Variants in PTCHD4 observed in about 807,000 individuals in gnomAD.
PTCHD4 encodes patched domain-containing protein 4.
In PTCHD4, 33 loss-of-function variants were observed where a neutral mutation model predicts 58.1. The ratio of observed to expected loss-of-function variants is 0.57; its 90% CI spans 0.43 to 0.76. The LOEUF is 0.76. PTCHD4 is among the 30% of genes least tolerant of loss of function. The pLI is 0.00. For missense variants in PTCHD4, 1,058 were observed against 1,027.1 expected (o/e 1.03, Z -0.41); for synonymous variants, 478 against 409.6 (o/e 1.17, Z -2.02).
At chr6:48,100,862 G>C (rs891839263) in intron 1 of PTCHD4, among the ~76,000 whole-genome samples, 4 of 152,036 alleles carry the variant, frequency 2.6e-5, no homozygotes, top group Non-Finnish European at 4.4e-5. Context: ...AAAACCTCAA[G>C]AGAACAACTT....
At chr6:48,080,950 T>G (rs1765155772) in intron 1 of PTCHD4, among the ~76,000 whole-genome samples, 1 of 152,202 alleles carries the variant, frequency 6.6e-6, no homozygotes, top group African/African-American at 2.4e-5. Context: ...TTTCTGTTTT[T>G]GGTGATCTTC....
intron 4 of PTCHD4, among the ~76,000 whole-genome samples, chr6:47,927,042 G>A (rs955694023): frequency 2.0e-5 from 3 of 151,998 alleles, no homozygotes; most frequent in Non-Finnish European, 4.4e-5. Context: ...TTTGCCTCCA[G>A]GGAAGAGGCT....
intron 4 of PTCHD4, among the ~76,000 whole-genome samples, chr6:47,923,235 A>G (rs1168375647): frequency 1.3e-5 from 2 of 152,322 alleles, no homozygotes; most frequent in South Asian, 2.1e-4. Flanking sequence ...AATACTTGAT[A>G]AAAAGACTTC....
At position 47,872,885 on chromosome 6, in the gene PTCHD4, A is replaced by G. The variant is rs1763755197; in HGVS notation, c.*5418T>C. Among the ~76,000 whole-genome samples the G allele has an allele frequency of 6.6e-6, 1 of 151,628 alleles. No homozygotes were observed. The highest frequency in any genetic ancestry group is 2.1e-4 in the South Asian group (1 of 4,820). On this transcript the variant is annotated 3_prime_UTR_variant, in exon 5 of 5. Coordinates refer to ENST00000339488, the MANE Select transcript of PTCHD4 (RefSeq NM_001384253.1). ...GCTCTTTTGAGTTGTTTTCCGTTTT[A>G]TAAGAAAAGCAAGTGGCTTCTCTAT... is the stretch of plus-strand genomic sequence containing the variant.
At chr6:47,992,415 A>C (rs1205795148) in intron 4 of PTCHD4, among the ~76,000 whole-genome samples, 1 of 152,204 alleles carries the variant, frequency 6.6e-6, no homozygotes, top group Non-Finnish European at 1.5e-5. Flanking sequence ...GTTATCACAA[A>C]AGATGAGGGA....
intron 4 of PTCHD4, among the ~76,000 whole-genome samples, chr6:47,884,158 A>G (rs190911128): frequency 6.6e-6 from 1 of 152,226 alleles, no homozygotes; most frequent in Admixed American, 6.5e-5. Context: ...CCATCTGTTC[A>G]GATAGGTAAC....
At chr6:48,107,896 A>G (rs1184268764) in intron 1 of PTCHD4, among the ~76,000 whole-genome samples, 1 of 152,198 alleles carries the variant, frequency 6.6e-6, no homozygotes, top group African/African-American at 2.4e-5. Context: ...CAAAACCACA[A>G]TGCGATACCA....
chr6:48,063,670 A>C (rs1367895215), intron 3 of PTCHD4, among the ~76,000 whole-genome samples: 1 of 152,224 alleles, frequency 6.6e-6, no homozygotes, highest in Non-Finnish European at 1.5e-5. Flanking sequence ...TAAAGATTAA[A>C]TAGCATGTGT....
chr6:48,038,729 T>C (rs1171472627), intron 3 of PTCHD4, among the ~76,000 whole-genome samples: 1 of 151,024 alleles, frequency 6.6e-6, no homozygotes, highest in African/African-American at 2.4e-5. Context: ...ATTTAAGGCA[T>C]GATATTTCAA....
At chr6:47,931,722 C>T (rs957625413) in intron 4 of PTCHD4, among the ~76,000 whole-genome samples, 3 of 151,360 alleles carry the variant, frequency 2.0e-5, no homozygotes, top group Admixed American at 2.0e-4. Context: ...CATATAGATT[C>T]TTCCTTCGGC....
At position 48,031,606 on chromosome 6, in the gene PTCHD4, G is replaced by C. The variant is rs377440687; in HGVS notation, c.418-22492C>G. 1.2e-3 allele frequency among the ~76,000 whole-genome samples: 187 copies of C among 152,210 alleles called. 3 individuals are homozygous for C. In the South Asian group the frequency reaches 0.037, roughly 30 times the overall value. ...AAGAATGTGAGAATAGAAGCCGTGG[G>C]GGGAATCCATGGGAATAGGGAAAAC... is the stretch of plus-strand genomic sequence containing the variant. On this transcript the variant is annotated intron_variant, in intron 3 of 4. Transcript: ENST00000339488.
At chr6:47,977,230 G>T (rs1468846602) in intron 4 of PTCHD4, among the ~76,000 whole-genome samples, 1 of 152,134 alleles carries the variant, frequency 6.6e-6, no homozygotes, top group Non-Finnish European at 1.5e-5. Flanking sequence ...ATTCTCTTTT[G>T]TAATCCACTG....
intron 3 of PTCHD4, among the ~76,000 whole-genome samples, chr6:48,026,976 G>A (rs1487995031): frequency 6.6e-6 from 1 of 151,486 alleles, no homozygotes; most frequent in Non-Finnish European, 1.5e-5. Flanking sequence ...GAAAAGATGA[G>A]AGCCAACTAT....
rs555397474 is a variant in PTCHD4, at chr6:48,069,353, A to G, written c.-396T>C. 2.8e-4 allele frequency among the ~76,000 whole-genome samples: 43 copies of G among 152,234 alleles called. No individual in the cohort carries two copies. The highest frequency in any genetic ancestry group is 4.3e-4 in the Non-Finnish European group (29 of 68,002). On this transcript the variant is annotated 5_prime_UTR_variant, in exon 2 of 5. Coordinates refer to ENST00000339488, the MANE Select transcript of PTCHD4 (RefSeq NM_001384253.1). ...GAGCAAGGGCAATTAGAGCCCAAGG[A>G]GTGGGGCATGGAGGGAGACAGCCCC...
Position 47,865,459 on chromosome 6 carries a change from A to C in PTCHD4, c.*12844T>G, listed in dbSNP as rs1407027623. Reference sequence around the variant, plus strand: ...ACCACAGGAATGTGAAGATTAAACTATACATTAGAGTATTGTAGTAAATAG... The same window carrying C: ...ACCACAGGAATGTGAAGATTAAACTCTACATTAGAGTATTGTAGTAAATAG... On this transcript the variant is annotated 3_prime_UTR_variant, in exon 5 of 5. Transcript: ENST00000339488. Among the ~76,000 whole-genome samples the C allele has an allele frequency of 6.6e-6, 1 of 151,944 alleles. No homozygotes were observed. The highest frequency in any genetic ancestry group is 2.4e-5 in the African/African-American group (1 of 41,414).
intron 4 of PTCHD4, among the ~76,000 whole-genome samples, chr6:47,880,448 A>G (rs1203584141): frequency 1.3e-5 from 2 of 152,176 alleles, no homozygotes; most frequent in African/African-American, 2.4e-5. Flanking sequence ...CTGATTTTAT[A>G]ATGTTGATAA....
chr6:48,088,185 G>T (rs577479612), intron 1 of PTCHD4, among the ~76,000 whole-genome samples: 102 of 152,212 alleles, frequency 6.7e-4, no homozygotes, highest in African/African-American at 2.2e-3. Context: ...AAAACACAAA[G>T]CAATATTCTT....
intron 3 of PTCHD4, among the ~76,000 whole-genome samples, chr6:48,023,005 T>C (rs1004312204): frequency 9.9e-5 from 15 of 152,148 alleles, no homozygotes; most frequent in African/African-American, 3.6e-4. Context: ...TTGCCTGATG[T>C]AGGAGAGTAG....
chr6:48,072,650 A>G (rs1764996151), intron 1 of PTCHD4, among the ~76,000 whole-genome samples: 1 of 152,150 alleles, frequency 6.6e-6, no homozygotes. Context: ...GAGCAATGAC[A>G]TTACATGGAT....
Sources: gnomAD v4.1 joint callset for allele counts (sites outside exome capture counted in the v4.1 genomes callset) on GRCh38, gnomAD v4.1.1 for gene constraint, MANE v1.5 for transcripts, NCBI Gene and HGNC (gene_info 2026-07-23, HGNC 2026-07-21) for gene names.